Variants in EDIL3 observed in about 807,000 individuals in gnomAD.
The protein encoded by EDIL3 is EGF-like repeat and discoidin I-like domain-containing protein 3.
A neutral mutation model predicts 67.4 loss-of-function variants in EDIL3; 37 were observed. The observed-to-expected ratio is 0.55, with a 90% CI of 0.42 to 0.72. The LOEUF (loss-of-function observed/expected upper bound fraction) is 0.72, where lower values mean the gene tolerates loss of function less well. EDIL3 is among the 30% of genes least tolerant of loss of function. EDIL3 has a pLI of 0.00. For synonymous variants in EDIL3, 195 were observed against 196.3 expected (o/e 0.99, Z 0.05); for missense variants, 527 against 586.3 (o/e 0.90, Z 1.04).
At chr5:84,185,387 T>C (rs1342029736) in intron 3 of EDIL3, among the ~76,000 whole-genome samples, 1 of 152,170 alleles carries the variant, frequency 6.6e-6, no homozygotes, top group Non-Finnish European at 1.5e-5. Context: ...GTAATTATAA[T>C]GTGAGACTGA....
chr5:84,354,423 G>A (rs191499200), intron 1 of EDIL3, among the ~76,000 whole-genome samples: 57 of 152,190 alleles, frequency 3.7e-4, no homozygotes, highest in Middle Eastern at 6.8e-3. Context: ...TTGGGAAGCC[G>A]AGGCAAGCAG....
At chr5:84,141,959 CTAT>C (rs1748206203) in intron 4 of EDIL3, among the ~76,000 whole-genome samples, 6 of 132,294 alleles carry the variant, frequency 4.5e-5, no homozygotes, top group African/African-American at 1.8e-4. Flanking sequence ...ATAGATCTAT[CTAT>C]CTATCTATCT....
chr5:84,258,969 T>A (rs1490540689), intron 1 of EDIL3, among the ~76,000 whole-genome samples: 1 of 118,554 alleles, frequency 8.4e-6, no homozygotes, highest in African/African-American at 3.3e-5. Flanking sequence ...GTTCGTAGAG[T>A]CTTTTTTTTT....
intron 1 of EDIL3, among the ~76,000 whole-genome samples, chr5:84,378,094 T>G (rs1327727862): frequency 1.3e-5 from 2 of 152,220 alleles, no homozygotes; most frequent in Non-Finnish European, 2.9e-5. Context: ...AAAACTTTAT[T>G]ACCTTAGAAG....
chr5:84,378,462 T>C (rs1243518690), intron 1 of EDIL3, among the ~76,000 whole-genome samples: 1 of 152,206 alleles, frequency 6.6e-6, no homozygotes, highest in Non-Finnish European at 1.5e-5. Context: ...GAGTCTCCTC[T>C]TTGTCTAAAA....
chr5:84,062,373 G>A (rs1412817178), intron 8 of EDIL3, among the ~76,000 whole-genome samples: 1 of 152,088 alleles, frequency 6.6e-6, no homozygotes, highest in Non-Finnish European at 1.5e-5. Flanking sequence ...GTTTGCAGGA[G>A]ATACAAGGGA....
chr5:84,282,983 C>T (rs1193946202), intron 1 of EDIL3, among the ~76,000 whole-genome samples: 1 of 151,974 alleles, frequency 6.6e-6, no homozygotes, highest in Non-Finnish European at 1.5e-5. Flanking sequence ...CTTGAAATTA[C>T]CTGATCAAAT....
chr5:84,287,264 TGA>T (rs1367534049), intron 1 of EDIL3, among the ~76,000 whole-genome samples: 2 of 152,174 alleles, frequency 1.3e-5, no homozygotes, highest in Non-Finnish European at 2.9e-5. Flanking sequence ...TATACAAGAA[TGA>T]GAGCTTATTT....
chr5:84,008,097 G>A (rs1254867885), intron 9 of EDIL3, among the ~76,000 whole-genome samples: 4 of 152,104 alleles, frequency 2.6e-5, no homozygotes, highest in Non-Finnish European at 5.9e-5. Flanking sequence ...GACTCCTGGA[G>A]ACAGAGAATA....
chr5:83,959,880 T>C (rs1744577053), intron 10 of EDIL3, among the ~76,000 whole-genome samples: 1 of 151,042 alleles, frequency 6.6e-6, no homozygotes, highest in Admixed American at 6.6e-5. Flanking sequence ...GATATATATG[T>C]ATATTTACAT....
At chr5:84,314,611 C>T (rs1746473066) in intron 1 of EDIL3, among the ~76,000 whole-genome samples, 1 of 152,172 alleles carries the variant, frequency 6.6e-6, no homozygotes, top group Admixed American at 6.5e-5. Flanking sequence ...GAACATCAAT[C>T]TTCCTTCCAA....
intron 1 of EDIL3, among the ~76,000 whole-genome samples, chr5:84,290,789 G>A (rs1745899008): frequency 1.3e-5 from 2 of 152,270 alleles, no homozygotes; most frequent in South Asian, 4.1e-4. Flanking sequence ...CTAGGTGCAT[G>A]TAAAATAAAC....
intron 5 of EDIL3, among the ~76,000 whole-genome samples, chr5:84,121,538 G>GATCGATCTATCTATCT (rs761445154): frequency 1.2e-4 from 15 of 129,804 alleles, no homozygotes; most frequent in African/African-American, 4.1e-4. Flanking sequence ...AACTTAGATC[G>GATCGATCTATCTATCT]ATCTATCTAT....
chr5:84,203,313 C>A (rs538763144), intron 3 of EDIL3, among the ~76,000 whole-genome samples: 4 of 152,158 alleles, frequency 2.6e-5, no homozygotes, highest in African/African-American at 7.2e-5. Context: ...CTCATGTTTG[C>A]CTAAATTAAA....
At chr5:84,330,993 A>G (rs917176697) in intron 1 of EDIL3, among the ~76,000 whole-genome samples, 1 of 152,216 alleles carries the variant, frequency 6.6e-6, no homozygotes, top group African/African-American at 2.4e-5. Context: ...AAAGAAGATC[A>G]TTTTGGAACT....
At chr5:84,308,811 T>A (rs1746323774) in intron 1 of EDIL3, among the ~76,000 whole-genome samples, 1 of 152,202 alleles carries the variant, frequency 6.6e-6, no homozygotes, top group South Asian at 2.1e-4. Flanking sequence ...TTGTAATTTT[T>A]AAAATTTAAA....
chr5:84,058,802 A>T (rs1227863385), intron 9 of EDIL3, among the ~76,000 whole-genome samples: 1 of 152,188 alleles, frequency 6.6e-6, no homozygotes, highest in Non-Finnish European at 1.5e-5. Flanking sequence ...ATCACTACTT[A>T]TCATGTTATA....
intron 6 of EDIL3, among the ~76,000 whole-genome samples, chr5:84,090,054 A>C (rs569447611): frequency 6.6e-6 from 1 of 152,332 alleles, no homozygotes. Context: ...GGTTGTGAAT[A>C]TTTTCACAAC....
intron 6 of EDIL3, among the ~76,000 whole-genome samples, chr5:84,073,375 T>G (rs575996870): frequency 2.0e-4 from 31 of 152,152 alleles, no homozygotes; most frequent in African/African-American, 4.6e-4. Context: ...GGAAATAAAG[T>G]GTATTCAATT....
Sources: gnomAD v4.1 joint callset for allele counts (sites outside exome capture counted in the v4.1 genomes callset) on GRCh38, gnomAD v4.1.1 for gene constraint, MANE v1.5 for transcripts, NCBI Gene and HGNC (gene_info 2026-07-23, HGNC 2026-07-21) for gene names.